The following RHOBTB3 variants were observed in gnomAD, a reference collection of about 807,000 sequenced individuals.
RHOBTB3 encodes Rho related BTB domain containing 3.
RHOBTB3 carries 47 observed loss-of-function variants against 67.2 expected under a neutral mutation model. The ratio of observed to expected loss-of-function variants is 0.70; its 90% CI spans 0.55 to 0.89. The LOEUF (loss-of-function observed/expected upper bound fraction) is 0.89, where lower values mean the gene tolerates loss of function less well. RHOBTB3 is among the 40% of genes least tolerant of loss of function. RHOBTB3 has a pLI of 0.00. For synonymous variants in RHOBTB3, 273 were observed against 274.2 expected, an observed-to-expected ratio of 1.00 and a Z score of 0.04; for missense variants, 631 against 750.0, an observed-to-expected ratio of 0.84 and a Z score of 1.85.
chr5:95,766,053 G>A lies in RHOBTB3; in HGVS notation c.1162-1993G>A, dbSNP rs368291931. On this transcript the variant is annotated intron_variant, in intron 7 of 11. Coordinates refer to ENST00000379982, the MANE Select transcript of RHOBTB3 (RefSeq NM_014899.4). ...CTTCCATGTGTATGACGGTTATGTT[G>A]TGTATAGGATCTCAGAATGACTTTA... Among the ~76,000 whole-genome samples, 8 of 152,202 alleles carry A rather than the reference G, an allele frequency of 5.3e-5. No homozygotes were observed. In the South Asian group the frequency reaches 1.7e-3, roughly 31 times the overall value.
chr5:95,763,802 T>TTGTGTGTGTGTGTG (rs60736311), intron 7 of RHOBTB3, among the ~76,000 whole-genome samples, 182 bp downstream of exon 7: 16 of 148,964 alleles, frequency 1.1e-4, no homozygotes, highest in African/African-American at 3.5e-4. Flanking sequence ...GTATCTTAGA[T>TTGTGTGTGTGTGTG]TGTGTGTGTG....
intron 10 of RHOBTB3, among the ~76,000 whole-genome samples, chr5:95,786,413 G>A (rs1561457342): frequency 6.6e-6 from 1 of 152,032 alleles, no homozygotes; most frequent in Non-Finnish European, 1.5e-5. Context: ...GAGCAGTGTG[G>A]GTATTCTCTC....
intron 9 of RHOBTB3, among the ~76,000 whole-genome samples, chr5:95,780,835 T>C (rs1318447215): frequency 2.0e-5 from 3 of 152,182 alleles, no homozygotes; most frequent in African/African-American, 4.8e-5. Context: ...TGACTTCTGA[T>C]TGGGGCACTT....
At chr5:95,757,443 AT>A (rs1220196346) in intron 6 of RHOBTB3, among the ~76,000 whole-genome samples, 1 of 152,194 alleles carries the variant, frequency 6.6e-6, no homozygotes, top group Non-Finnish European at 1.5e-5. Context: ...TTTATAATTA[AT>A]TTGTTTTTAG....
chr5:95,752,178 A>G, intron 4 of RHOBTB3, 61 bp from the exon 5 acceptor site: 1 of 1,036,844 alleles, frequency 9.6e-7, no homozygotes, highest in Non-Finnish European at 1.5e-6. Context: ...TCAGATGCAA[A>G]TTTTCATGTT....
chr5:95,754,308 T>C (rs1561446138), intron 5 of RHOBTB3, among the ~76,000 whole-genome samples: 1 of 152,074 alleles, frequency 6.6e-6, no homozygotes, highest in Non-Finnish European at 1.5e-5. Context: ...TGGGTACATA[T>C]TTGGGGCTGA....
At chr5:95,738,157 G>T (rs1377342231) in intron 3 of RHOBTB3, among the ~76,000 whole-genome samples, 1 of 152,060 alleles carries the variant, frequency 6.6e-6, no homozygotes, top group Non-Finnish European at 1.5e-5. Flanking sequence ...CCCAGGAGCG[G>T]GATTGTTGGG....
chr5:95,745,388 T>C (rs1305946787), intron 3 of RHOBTB3, among the ~76,000 whole-genome samples: 1 of 152,180 alleles, frequency 6.6e-6, no homozygotes, highest in Admixed American at 6.5e-5. Context: ...AAATATTGAA[T>C]CTATCTTGAA....
intron 1 of RHOBTB3, among the ~76,000 whole-genome samples, chr5:95,718,468 G>C (rs1330822670): frequency 6.6e-6 from 1 of 152,206 alleles, no homozygotes; most frequent in Non-Finnish European, 1.5e-5. Context: ...GCTGAGGGAA[G>C]TTCCCCAGCT....
chr5:95,732,038 G>A lies in RHOBTB3; in HGVS notation c.182G>A (p.Ser61Asn), dbSNP rs1477474480. Residue 61 changes from serine to asparagine, a missense_variant, in exon 2 of 12, where the codon AGT becomes AAT. By Grantham distance (46) the Ser-to-Asn change is conservative. Coordinates refer to ENST00000379982, the MANE Select transcript of RHOBTB3 (RefSeq NM_014899.4). ...ARPVFTEYQA[S>N]AFGNVKLVVH... ...CCGGTGTTCACCGAGTATCAGGCCA[G>A]TGCGTTTGGGAATGTCAAGCTGGTG... The A allele has an allele frequency of 3.7e-6, 6 of 1,614,214 alleles. No individual in the cohort carries two copies. The South Asian group carries it at 5.5e-5, about 15-fold the overall frequency.
chr5:95,767,739 T>A (rs1021449259), intron 7 of RHOBTB3: 2 of 684,244 alleles, frequency 2.9e-6, no homozygotes, highest in African/African-American at 3.5e-5. Context: ...GGACTACTGT[T>A]GTCTGTTTCT....
intron 3 of RHOBTB3, among the ~76,000 whole-genome samples, chr5:95,748,113 A>G (rs1242506751): frequency 6.6e-6 from 1 of 151,678 alleles, no homozygotes; most frequent in Non-Finnish European, 1.5e-5. Flanking sequence ...AAATTTTTCT[A>G]TTTTCTAAAA....
At position 95,772,083 on chromosome 5, in the gene RHOBTB3, G is replaced by A. The variant is rs531526421; in HGVS notation, c.1282+3917G>A. Among the ~76,000 whole-genome samples, 303 of 152,318 alleles carry A rather than the reference G, an allele frequency of 2.0e-3. 2 individuals carry two copies. Among genetic ancestry groups the A allele is most frequent in the African/African-American group, 7.1e-3 (295 of 41,562 alleles). On this transcript the variant is annotated intron_variant, in intron 8 of 11. Coordinates refer to ENST00000379982, the MANE Select transcript of RHOBTB3 (RefSeq NM_014899.4). ...ACTTCCTGGCACTGGGGTCACCTGT[G>A]ATTTAGGGTTGATTGGACTCACACT...
At chr5:95,735,259 C>CTTT (rs10718378) in intron 2 of RHOBTB3, among the ~76,000 whole-genome samples, 31 of 133,680 alleles carry the variant, frequency 2.3e-4, no homozygotes, top group South Asian at 2.2e-3. Context: ...CATATTTTGC[C>CTTT]TTTTTTTTTT....
intron 8 of RHOBTB3, among the ~76,000 whole-genome samples, chr5:95,778,132 A>T (rs1745944144): frequency 6.6e-6 from 1 of 151,886 alleles, no homozygotes; most frequent in African/African-American, 2.4e-5. Flanking sequence ...AAAAAAAAAA[A>T]GTACAGTTGT....
At chr5:95,789,818 AT>A (rs1315986401) in intron 11 of RHOBTB3, among the ~76,000 whole-genome samples, 2 of 152,170 alleles carry the variant, frequency 1.3e-5, no homozygotes, top group African/African-American at 4.8e-5. Context: ...TCTACCTAAA[AT>A]TTTACTTCGT....
At chr5:95,761,339 C>CTTTTT (rs766063568) in intron 6 of RHOBTB3, among the ~76,000 whole-genome samples, 4 of 125,812 alleles carry the variant, frequency 3.2e-5, no homozygotes, top group South Asian at 5.2e-4. Flanking sequence ...CCTTTTTCCT[C>CTTTTT]TTTTTTTTTT....
At chr5:95,772,523 T>C (rs145692387) in intron 8 of RHOBTB3, among the ~76,000 whole-genome samples, 1 of 152,294 alleles carries the variant, frequency 6.6e-6, no homozygotes, top group Non-Finnish European at 1.5e-5. Context: ...GATTGGAGTT[T>C]CGGATGTTCC....
intron 3 of RHOBTB3, among the ~76,000 whole-genome samples, chr5:95,737,329 A>C (rs924854176): frequency 2.0e-5 from 3 of 152,224 alleles, no homozygotes; most frequent in African/African-American, 4.8e-5. Flanking sequence ...GATGGAAGTC[A>C]GCAATTGTAT....
Sources: allele counts gnomAD v4.1 joint callset (sites outside exome capture counted in the v4.1 genomes callset), GRCh38; gene constraint gnomAD v4.1.1; transcripts MANE v1.5; gene names NCBI Gene and HGNC (gene_info 2026-07-23, HGNC 2026-07-21).